The following PLEKHA7 variants were observed in gnomAD, a reference collection of about 807,000 sequenced individuals.
The protein encoded by PLEKHA7 is pleckstrin homology domain containing A7, also known as pleckstrin homology domain-containing family A member 7.
Under a neutral mutation model 170.0 loss-of-function variants are expected in PLEKHA7, and 104 were observed. The ratio of observed to expected loss-of-function variants is 0.61; its 90% confidence interval spans 0.52 to 0.72. The LOEUF (loss-of-function observed/expected upper bound fraction) is 0.72, where lower values mean the gene tolerates loss of function less well. Ranked by LOEUF, PLEKHA7 falls within the 30% of genes least tolerant of loss-of-function variation. The probability of loss-of-function intolerance (pLI) is 0.00; values close to 1 mark genes in which losing one functional copy is unlikely to be tolerated. For synonymous variants in PLEKHA7, 648 were observed against 660.8 expected (o/e 0.98, Z 0.30); for missense variants, 1,615 against 1,671.7 (o/e 0.97, Z 0.59).
chr11:16,813,377 G>A (rs1849517465), intron 12 of PLEKHA7: 2 of 451,624 alleles, frequency 4.4e-6, no homozygotes, highest in African/African-American at 2.0e-5. Flanking sequence ...GTCACTGTGG[G>A]GAAAGTCAGC....
At chr11:16,890,436 G>A (rs962398513) in intron 3 of PLEKHA7, among the ~76,000 whole-genome samples, 1 of 152,136 alleles carries the variant, frequency 6.6e-6, no homozygotes, top group South Asian at 2.1e-4. Context: ...CAAAGTAAAG[G>A]ACTGGAAAAA....
intron 9 of PLEKHA7, among the ~76,000 whole-genome samples, chr11:16,836,936 G>A (rs1169500405): frequency 6.6e-6 from 1 of 151,960 alleles, no homozygotes; most frequent in African/African-American, 2.4e-5. Context: ...CGATTCTCCT[G>A]CCTCAGCCTT....
chr11:16,888,397 TA>T (rs1856335846), intron 3 of PLEKHA7, among the ~76,000 whole-genome samples: 1 of 151,650 alleles, frequency 6.6e-6, no homozygotes, highest in African/African-American at 2.4e-5. Flanking sequence ...TTTTGTTGAG[TA>T]GACGGGGGGG....
chr11:16,883,314 T>C (rs1032222523), intron 3 of PLEKHA7, among the ~76,000 whole-genome samples: 6 of 152,196 alleles, frequency 3.9e-5, no homozygotes, highest in Non-Finnish European at 8.8e-5. Context: ...TAATCCTTGT[T>C]CACCAGGAAA....
intron 3 of PLEKHA7, among the ~76,000 whole-genome samples, chr11:16,896,574 T>A (rs534945283): frequency 3.3e-5 from 5 of 152,122 alleles, no homozygotes; most frequent in Non-Finnish European, 7.3e-5. Context: ...GCTGCAACAG[T>A]CCCTAAGCCC....
At chr11:16,803,162 G>T in intron 14 of PLEKHA7, 65 bp downstream of exon 14, 1 of 1,568,958 alleles carries the variant, frequency 6.4e-7, no homozygotes, top group Non-Finnish European at 8.8e-7. Flanking sequence ...CCTGCCTGAA[G>T]CTGTTCACCC....
chr11:16,904,756 A>G (rs1857546296), intron 3 of PLEKHA7, among the ~76,000 whole-genome samples: 1 of 152,224 alleles, frequency 6.6e-6, no homozygotes, highest in East Asian at 1.9e-4. Context: ...AAATTCATAA[A>G]TATACTTTGC....
In PLEKHA7 at chr11:16,789,407, A is replaced by G. The variant is rs1383421113; in HGVS notation, c.3157-111T>C. On this transcript the variant is annotated intron_variant, in intron 22 of 26. Transcript: ENST00000531066. The surrounding 1 kb of genome is among the most constrained non-coding windows in gnomAD (Gnocchi z 4.6). ...TTGTCTCTCTCTCACACACATGCAC[A>G]CTCTAGTTGGGCTCCTCTTGGCCTT... 7 of 1,014,798 alleles carry G rather than the reference A, an allele frequency of 6.9e-6. No homozygotes were observed. Among genetic ancestry groups the G allele is most frequent in the East Asian group, 4.9e-5 (2 of 40,824 alleles). 62.9% of individuals were successfully genotyped at this position (1,014,798 alleles called of 1,614,324 possible).
rs887330400 is a variant in PLEKHA7 at position 16,778,337 on chromosome 11, G to A, written c.*661C>T. The A allele has an allele frequency of 6.6e-6, 1 of 152,294 alleles. No individual in the cohort carries two copies. The highest frequency in any genetic ancestry group is 1.9e-4 in the East Asian group (1 of 5,206). The allele number at this position is 152,294 out of a possible 1,614,324, so 9.4% of individuals were successfully genotyped here. ...AAGAGCCTTTTGCTGGAGGAAGCCT[G>A]GGGGCAGGTTGTGGGCCCCAGTCCT... On this transcript the variant is annotated 3_prime_UTR_variant, in exon 27 of 27. Coordinates refer to ENST00000531066, the MANE Select transcript of PLEKHA7 (RefSeq NM_001329630.2).
intron 3 of PLEKHA7, among the ~76,000 whole-genome samples, chr11:16,956,996 C>A (rs150443581): frequency 6.6e-6 from 1 of 152,302 alleles, no homozygotes; most frequent in African/African-American, 2.4e-5. Flanking sequence ...TCACCTCCCC[C>A]CGTGGCTTTA....
intron 3 of PLEKHA7, among the ~76,000 whole-genome samples, chr11:16,908,728 T>G (rs969674176): frequency 6.6e-6 from 1 of 152,192 alleles, no homozygotes. Context: ...ACTCCTGACC[T>G]CAGGTGATCC....
At chr11:16,969,028 C>T (rs1862552864) in intron 3 of PLEKHA7, among the ~76,000 whole-genome samples, 1 of 152,150 alleles carries the variant, frequency 6.6e-6, no homozygotes, top group Non-Finnish European at 1.5e-5. Context: ...ATATCATGAA[C>T]CCAGAAGGCC....
intron 3 of PLEKHA7, among the ~76,000 whole-genome samples, chr11:16,960,444 GGAA>G (rs1263699894): frequency 2.0e-5 from 3 of 152,112 alleles, no homozygotes; most frequent in African/African-American, 4.8e-5. Context: ...GGGGGGCAGG[GGAA>G]GAAGGAGACA....
At chr11:17,008,081 T>A (rs1421868108) in intron 3 of PLEKHA7, among the ~76,000 whole-genome samples, 2 of 152,086 alleles carry the variant, frequency 1.3e-5, no homozygotes, top group Non-Finnish European at 2.9e-5. Flanking sequence ...GAGGGGAAAG[T>A]TAGCCTTACT....
rs1355215224 is a variant in PLEKHA7 at position 16,789,767 on chromosome 11, C to G, written c.3156+8G>C. 11 of 1,610,864 alleles carry G rather than the reference C, an allele frequency of 6.8e-6. No individual in the cohort carries two copies. Among genetic ancestry groups the G allele is most frequent in the Non-Finnish European group, 7.6e-6 (9 of 1,177,256 alleles). On this transcript the variant is annotated splice_region_variant and intron_variant, in intron 22 of 26. Coordinates refer to ENST00000531066, the MANE Select transcript of PLEKHA7 (RefSeq NM_001329630.2). The surrounding 1 kb of genome is among the most constrained non-coding windows in gnomAD (Gnocchi z 4.6). ...CAGGGAGGTCCTCGACAGCTCAAGG[C>G]CACTCACAGGGAAGGTCGCCTTGCT...
chr11:16,837,012 T>C (rs1211518819), intron 9 of PLEKHA7, among the ~76,000 whole-genome samples: 2 of 151,996 alleles, frequency 1.3e-5, no homozygotes, highest in Admixed American at 6.6e-5. Flanking sequence ...TTAGTAGAGA[T>C]GGAGTTTCAC....
rs144675527 is a variant in PLEKHA7 at position 16,857,961 on chromosome 11, C to T, written c.306-2047G>A. On this transcript the variant is annotated intron_variant, in intron 4 of 26. Coordinates refer to ENST00000531066, the MANE Select transcript of PLEKHA7 (RefSeq NM_001329630.2). Reference sequence around the variant, plus strand: ...CTCAAACTCCTAACCTCAGGTGATCCGCCCACCTCGGCCTCCCAAAGAGCT... The same window carrying T: ...CTCAAACTCCTAACCTCAGGTGATCTGCCCACCTCGGCCTCCCAAAGAGCT... Among the ~76,000 whole-genome samples, 1,308 of 152,294 alleles carry T rather than the reference C, an allele frequency of 8.6e-3. 21 individuals carry two copies. The highest frequency in any genetic ancestry group is 0.029 in the African/African-American group (1,214 of 41,546).
chr11:16,981,268 A>G (rs1464680306), intron 3 of PLEKHA7, among the ~76,000 whole-genome samples: 2 of 152,192 alleles, frequency 1.3e-5, no homozygotes, highest in Admixed American at 6.5e-5. Flanking sequence ...AGTACTTCAT[A>G]TATGTTAATT....
intron 21 of PLEKHA7, chr11:16,790,510 T>G: frequency 3.0e-6 from 1 of 336,462 alleles, no homozygotes; most frequent in South Asian, 5.5e-5. Flanking sequence ...CCTCATAGGA[T>G]TGTTGTGAAT....
Sources: gnomAD v4.1 joint callset for allele counts (sites outside exome capture counted in the v4.1 genomes callset) on GRCh38, gnomAD v4.1.1 for gene constraint, Gnocchi (gnomAD v3.1) non-coding constraint, MANE v1.5 for transcripts, NCBI Gene and HGNC (gene_info 2026-07-23, HGNC 2026-07-21) for gene names.